The following HDAC9 variants were observed in gnomAD, a reference collection of about 807,000 sequenced individuals.
HDAC9 encodes histone deacetylase 9, also known as MEF-2 interacting transcription repressor (MITR) protein.
Under a neutral mutation model 139.4 loss-of-function variants are expected in HDAC9, and 41 were observed. That is an observed-to-expected ratio of 0.29 (90% CI 0.23 to 0.38). The LOEUF (loss-of-function observed/expected upper bound fraction) is 0.38. Ranked by LOEUF, HDAC9 falls within the 10% of genes least tolerant of loss-of-function variation. The pLI is 1.00. For missense variants in HDAC9, 1,147 were observed against 1,297.0 expected (o/e 0.88, Z 1.78); for synonymous variants, 517 against 476.2 (o/e 1.09, Z -1.12).
chr7:18,340,804 TCTC>T (rs1781948351), intron 1 of HDAC9, among the ~76,000 whole-genome samples: 1 of 151,656 alleles, frequency 6.6e-6, no homozygotes, highest in Non-Finnish European at 1.5e-5. Context: ...ATGGTTACCT[TCTC>T]CTGTGCCTTT....
upstream of HDAC9, among the ~76,000 whole-genome samples, chr7:18,495,413 AT>A (rs1197856039): frequency 1.3e-5 from 2 of 152,002 alleles, no homozygotes; most frequent in African/African-American, 4.8e-5. Flanking sequence ...ATGATTCTTA[AT>A]TTTTTTTCTT....
intron 14 of HDAC9, among the ~76,000 whole-genome samples, chr7:18,756,092 C>T: frequency 6.6e-6 from 1 of 151,924 alleles, no homozygotes; most frequent in East Asian, 1.9e-4. Context: ...CAAATTGCAC[C>T]CAGACAAAGG....
intron 13 of HDAC9, among the ~76,000 whole-genome samples, chr7:18,736,403 C>T (rs1454652534): frequency 6.6e-6 from 1 of 152,100 alleles, no homozygotes; most frequent in Non-Finnish European, 1.5e-5. Context: ...TTTTGAGATA[C>T]ATTCCATAAA....
intron 6 of HDAC9, among the ~76,000 whole-genome samples, chr7:18,607,338 G>A (rs1420084139): frequency 1.3e-5 from 2 of 152,210 alleles, no homozygotes; most frequent in Admixed American, 6.5e-5. Flanking sequence ...TAATTTCATG[G>A]CTTGGCATTA....
intron 12 of HDAC9, among the ~76,000 whole-genome samples, chr7:18,726,240 C>G (rs1429810189): frequency 6.6e-6 from 1 of 152,134 alleles, no homozygotes; most frequent in South Asian, 2.1e-4. Context: ...TGTTAGCTTT[C>G]TCAGTAAGTT....
intron 6 of HDAC9, among the ~76,000 whole-genome samples, chr7:18,600,369 C>A (rs1833631410): frequency 6.6e-6 from 1 of 152,044 alleles, no homozygotes; most frequent in African/African-American, 2.4e-5. Flanking sequence ...TTTTGCCAAA[C>A]CCAGCGTTAA....
At chr7:18,232,876 G>C (rs998252611) in intron 2 of HDAC9, among the ~76,000 whole-genome samples, 1 of 152,042 alleles carries the variant, frequency 6.6e-6, no homozygotes, top group South Asian at 2.1e-4. Context: ...ATCATTCTCT[G>C]CTCCCCTTTC....
At chr7:18,698,322 G>A (rs1783206496) in intron 12 of HDAC9, among the ~76,000 whole-genome samples, 4 of 152,190 alleles carry the variant, frequency 2.6e-5, no homozygotes, top group Non-Finnish European at 5.9e-5. Context: ...ATCCGTTTGA[G>A]ATCAGTTCTG....
At chr7:18,610,063 A>G (rs1836680928) in intron 6 of HDAC9, among the ~76,000 whole-genome samples, 1 of 152,168 alleles carries the variant, frequency 6.6e-6, no homozygotes, top group African/African-American at 2.4e-5. Context: ...ATGTACCCAA[A>G]GGGTAATAAA....
At chr7:18,278,975 C>T (rs118108426) in intron 2 of HDAC9, among the ~76,000 whole-genome samples, 11 of 152,164 alleles carry the variant, frequency 7.2e-5, no homozygotes, top group South Asian at 4.2e-4. Context: ...AACACAGATA[C>T]GGACGTTTGG....
chr7:18,180,809 A>T (rs917466988), intron 2 of HDAC9, among the ~76,000 whole-genome samples: 3 of 152,210 alleles, frequency 2.0e-5, no homozygotes, highest in Non-Finnish European at 4.4e-5. Context: ...CCAGAAGTCC[A>T]AAATCAGTTT....
At chr7:18,204,762 G>GT (rs1791376594) in intron 2 of HDAC9, among the ~76,000 whole-genome samples, 1 of 151,612 alleles carries the variant, frequency 6.6e-6, no homozygotes, top group Admixed American at 6.6e-5. Context: ...CTGTCAGATT[G>GT]TTTATCCCCT....
intron 2 of HDAC9, among the ~76,000 whole-genome samples, chr7:18,213,886 T>C (rs1311474230): frequency 6.6e-6 from 1 of 152,174 alleles, no homozygotes; most frequent in African/African-American, 2.4e-5. Context: ...TCTTGAGTCA[T>C]AATTTTTCCA....
intron 1 of HDAC9, among the ~76,000 whole-genome samples, chr7:18,321,484 C>A (rs73305291): frequency 6.6e-6 from 1 of 152,218 alleles, no homozygotes. Context: ...GCTGAAGATA[C>A]TCCATTTTAA....
intron 3 of HDAC9, among the ~76,000 whole-genome samples, 173 bp from the exon 4 acceptor site, chr7:18,590,163 C>T (rs1381645775): frequency 6.6e-6 from 1 of 152,158 alleles, no homozygotes; most frequent in Non-Finnish European, 1.5e-5. Context: ...ACGTTAAGAC[C>T]TTCACTGCAT....
At chr7:18,590,610 A>T in intron 4 of HDAC9, 124 bp downstream of exon 4, 2 of 1,008,646 alleles carry the variant, frequency 2.0e-6, no homozygotes, top group Non-Finnish European at 2.8e-6. Context: ...AATTAAAAGC[A>T]TAGATTACAG....
chr7:18,855,232 C>A (rs13239638), intron 21 of HDAC9, among the ~76,000 whole-genome samples: 34,312 of 151,964 alleles, frequency 0.23, 4,345 homozygotes, highest in South Asian at 0.37. Context: ...AAATTACGTG[C>A]AGCAGACATT....
chr7:18,184,576 A>T, intron 2 of HDAC9, among the ~76,000 whole-genome samples: 1 of 152,172 alleles, frequency 6.6e-6, no homozygotes. Flanking sequence ...AAGGTGAGGA[A>T]TTTCCACGTG....
chr7:18,915,855 T>C (rs1422339642), intron 22 of HDAC9, among the ~76,000 whole-genome samples: 1 of 151,712 alleles, frequency 6.6e-6, no homozygotes, highest in East Asian at 1.9e-4. Context: ...ATTGTGTTCC[T>C]TTGGATATTT....
Sources: gnomAD v4.1 joint callset for allele counts (sites outside exome capture counted in the v4.1 genomes callset) on GRCh38, gnomAD v4.1.1 for gene constraint, MANE v1.5 for transcripts, NCBI Gene and HGNC (gene_info 2026-07-23, HGNC 2026-07-21) for gene names.